Variants in NDUFAF2 observed in about 807,000 individuals in gnomAD.
NDUFAF2 encodes NADH dehydrogenase [ubiquinone] 1 alpha subcomplex assembly factor 2.
In NDUFAF2, 13 loss-of-function variants were observed where a neutral mutation model predicts 22.8. The ratio of observed to expected loss-of-function variants is 0.57; its 90% CI spans 0.37 to 0.91. The LOEUF is 0.91. NDUFAF2 is among the 40% of genes least tolerant of loss of function. The pLI is 0.01. For synonymous variants in NDUFAF2, 53 were observed against 64.2 expected, an observed-to-expected ratio of 0.83 and a Z score of 0.84; for missense variants, 162 against 195.2, an observed-to-expected ratio of 0.83 and a Z score of 1.01.
At chr5:60,957,844 T>C (rs369578059) in intron 1 of NDUFAF2, among the ~76,000 whole-genome samples, 1 of 152,182 alleles carries the variant, frequency 6.6e-6, no homozygotes, top group Non-Finnish European at 1.5e-5. Flanking sequence ...CCATGTGTTA[T>C]TGTTTGGGTT....
At chr5:61,147,437 C>CTTTTTTTTTTTTTTTT (rs1240336890) in intron 3 of NDUFAF2, among the ~76,000 whole-genome samples, 2,106 of 84,450 alleles carry the variant, frequency 0.025, 217 homozygotes, top group East Asian at 0.037. Context: ...TTTTTTCTTT[C>CTTTTTTTTTTTTTTTT]TTTTTTTTTT....
chr5:61,148,698 G>A (rs1741181394), intron 3 of NDUFAF2, among the ~76,000 whole-genome samples: 1 of 152,210 alleles, frequency 6.6e-6, no homozygotes, highest in Non-Finnish European at 1.5e-5. Flanking sequence ...TTTGTATTCA[G>A]TGGTCTGGCT....
At chr5:61,051,236 G>GA (rs1752020319) in intron 1 of NDUFAF2, among the ~76,000 whole-genome samples, 1 of 152,062 alleles carries the variant, frequency 6.6e-6, no homozygotes, top group African/African-American at 2.4e-5. Flanking sequence ...ACCTCTCACA[G>GA]AAAGTTTCCC....
At chr5:60,950,327 C>T (rs1332767547) in intron 1 of NDUFAF2, among the ~76,000 whole-genome samples, 1 of 152,074 alleles carries the variant, frequency 6.6e-6, no homozygotes, top group Admixed American at 6.5e-5. Flanking sequence ...TCTGGGATTA[C>T]AGGCATGTGC....
At chr5:61,073,359 A>G (rs1218731092) in intron 2 of NDUFAF2, 145 bp downstream of exon 2, 1 of 682,366 alleles carries the variant, frequency 1.5e-6, no homozygotes, top group Non-Finnish European at 2.6e-6. Context: ...TTTTTTTAAC[A>G]TTGCATTTCT....
chr5:61,098,169 T>G (rs1752666959), intron 2 of NDUFAF2, among the ~76,000 whole-genome samples: 1 of 152,226 alleles, frequency 6.6e-6, no homozygotes, highest in Non-Finnish European at 1.5e-5. Flanking sequence ...TTATATAATT[T>G]TCACAACAAC....
chr5:60,953,514 C>T (rs576860739), intron 1 of NDUFAF2, among the ~76,000 whole-genome samples: 47 of 152,092 alleles, frequency 3.1e-4, no homozygotes, highest in Admixed American at 1.6e-3. Context: ...CCTTTCACCA[C>T]AGTTTTGTAG....
At position 60,972,270 on chromosome 5, in the gene NDUFAF2, T is replaced by C. The variant is rs560931646; in HGVS notation, c.127+26888T>C. Among the ~76,000 whole-genome samples, 5 of 151,898 alleles carry C rather than the reference T, an allele frequency of 3.3e-5. No homozygotes were observed. In the East Asian group the frequency reaches 9.8e-4, roughly 30 times the overall value. On this transcript the variant is annotated intron_variant, in intron 1 of 3. Coordinates refer to ENST00000296597, the MANE Select transcript of NDUFAF2 (RefSeq NM_174889.5). Reference sequence around the variant, plus strand: ...TTTTTTTTTTTTTAATTCTTAGCATTTGATATGGTTTGGCTCTGTGTCCCC... The same window carrying C: ...TTTTTTTTTTTTTAATTCTTAGCATCTGATATGGTTTGGCTCTGTGTCCCC...
chr5:61,058,628 G>C (rs1401659725), intron 1 of NDUFAF2, among the ~76,000 whole-genome samples: 7 of 151,754 alleles, frequency 4.6e-5, no homozygotes, highest in African/African-American at 7.3e-5. Flanking sequence ...GTGTGTTTAA[G>C]ACATCTTAAC....
intron 3 of NDUFAF2, chr5:61,115,613 A>G (rs1752902284): frequency 6.6e-6 from 1 of 152,166 alleles, no homozygotes; most frequent in Non-Finnish European, 1.5e-5. Flanking sequence ...CCGGAAAGAA[A>G]CAACTGGAAA....
At chr5:60,953,889 G>C (rs570105789) in intron 1 of NDUFAF2, among the ~76,000 whole-genome samples, 1 of 151,952 alleles carries the variant, frequency 6.6e-6, no homozygotes. Flanking sequence ...AAATTTAGTC[G>C]GTATAAAATT....
At chr5:60,972,841 G>A (rs1750854447) in intron 1 of NDUFAF2, among the ~76,000 whole-genome samples, 1 of 143,886 alleles carries the variant, frequency 6.9e-6, no homozygotes, top group South Asian at 2.2e-4. Flanking sequence ...TATATAGGAA[G>A]GTTTGTAGTT....
intron 1 of NDUFAF2, among the ~76,000 whole-genome samples, chr5:60,967,643 A>G (rs539614596): frequency 1.1e-4 from 16 of 151,690 alleles, no homozygotes; most frequent in African/African-American, 3.9e-4. Context: ...AGTTTATCAC[A>G]TTTATTGGTG....
chr5:61,067,464 C>G lies in NDUFAF2; in HGVS notation c.128-5661C>G, dbSNP rs538282811. Among the ~76,000 whole-genome samples, 11 of 152,120 alleles carry G rather than the reference C, an allele frequency of 7.2e-5. No individual in the cohort carries two copies. The South Asian group carries it at 1.7e-3, about 23-fold the overall frequency. ...TGAGAATGATGGTTTCCAGCTTCATCCATGTCCCTACAAAGGACATGAACT... is the reference window on the plus strand; with the variant it reads ...TGAGAATGATGGTTTCCAGCTTCATGCATGTCCCTACAAAGGACATGAACT... On this transcript the variant is annotated intron_variant, in intron 1 of 3. Coordinates refer to ENST00000296597, the MANE Select transcript of NDUFAF2 (RefSeq NM_174889.5).
intron 2 of NDUFAF2, among the ~76,000 whole-genome samples, chr5:61,082,901 TG>T (rs1752461198): frequency 6.6e-6 from 1 of 152,218 alleles, no homozygotes; most frequent in South Asian, 2.1e-4. Context: ...ATGGGATTGC[TG>T]GGTCAAGTGA....
chr5:61,139,072 T>TG (rs1193901570), intron 3 of NDUFAF2, among the ~76,000 whole-genome samples: 1 of 152,202 alleles, frequency 6.6e-6, no homozygotes, highest in Non-Finnish European at 1.5e-5. Flanking sequence ...CTCCTTAACT[T>TG]ACCATGAGGT....
intron 1 of NDUFAF2, among the ~76,000 whole-genome samples, chr5:60,989,368 T>G (rs1230692241): frequency 1.3e-5 from 2 of 152,032 alleles, no homozygotes; most frequent in Non-Finnish European, 2.9e-5. Context: ...TCAAAGAACT[T>G]AGAACTACTT....
intron 1 of NDUFAF2, among the ~76,000 whole-genome samples, chr5:60,962,277 A>T (rs1750698868): frequency 1.3e-5 from 2 of 152,072 alleles, no homozygotes; most frequent in South Asian, 4.1e-4. Flanking sequence ...TCTCCATGGA[A>T]TTAACAAAAG....
At chr5:61,079,513 A>T (rs1752413486) in intron 2 of NDUFAF2, among the ~76,000 whole-genome samples, 5 of 152,230 alleles carry the variant, frequency 3.3e-5, no homozygotes, top group Admixed American at 3.3e-4. Context: ...TTCATGACCC[A>T]AGAAGTATCT....
Sources: gnomAD v4.1 joint callset for allele counts (sites outside exome capture counted in the v4.1 genomes callset) on GRCh38, gnomAD v4.1.1 for gene constraint, MANE v1.5 for transcripts, NCBI Gene and HGNC (gene_info 2026-07-23, HGNC 2026-07-21) for gene names.